The following SGCZ variants were observed in gnomAD, a reference collection of about 807,000 sequenced individuals.
The protein encoded by SGCZ is zeta-sarcoglycan.
A neutral mutation model predicts 41.3 loss-of-function variants in SGCZ; 40 were observed. The ratio of observed to expected loss-of-function variants is 0.97; its 90% CI spans 0.75 to 1.26. The LOEUF (loss-of-function observed/expected upper bound fraction) is 1.26. Ranked by LOEUF, SGCZ falls within the 50% of genes most tolerant of loss-of-function variation. The pLI is 0.00. For synonymous variants in SGCZ, 206 were observed against 137.5 expected, an observed-to-expected ratio of 1.50 and a Z score of -3.49; for missense variants, 552 against 369.8, an observed-to-expected ratio of 1.49 and a Z score of -4.04.
chr8:14,277,866 C>G (rs763523788), intron 3 of SGCZ, among the ~76,000 whole-genome samples: 8 of 151,036 alleles, frequency 5.3e-5, no homozygotes, highest in Non-Finnish European at 1.0e-4. Flanking sequence ...GGAATGTAAG[C>G]AAATAACCAG....
intron 1 of SGCZ, among the ~76,000 whole-genome samples, chr8:15,197,167 T>C (rs1056960373): frequency 6.6e-6 from 1 of 152,226 alleles, no homozygotes; most frequent in Non-Finnish European, 1.5e-5. Flanking sequence ...AGCTACATTG[T>C]TCAATCTGCC....
intron 1 of SGCZ, among the ~76,000 whole-genome samples, chr8:14,760,343 GAAGAACTGC>G: frequency 6.6e-6 from 1 of 152,244 alleles, no homozygotes; most frequent in Admixed American, 6.5e-5. Flanking sequence ...CAATCCGATG[GAAGAACTGC>G]CATTTGATGA....
At chr8:14,961,699 G>A (rs10112336) in intron 1 of SGCZ, among the ~76,000 whole-genome samples, 67,684 of 151,426 alleles carry the variant, frequency 0.45, 16,335 homozygotes, top group East Asian at 0.63. Context: ...TATTCCTGAT[G>A]GATAAGGAGG....
chr8:14,117,919 C>CTTTTTTT (rs1317255911), intron 5 of SGCZ, among the ~76,000 whole-genome samples: 1 of 150,448 alleles, frequency 6.6e-6, no homozygotes, highest in South Asian at 2.2e-4. Flanking sequence ...TGAACTCATC[C>CTTTTTTT]TTTTTATGGT....
chr8:14,818,254 T>TAC (rs1801965866), intron 1 of SGCZ, among the ~76,000 whole-genome samples: 1 of 152,128 alleles, frequency 6.6e-6, no homozygotes. Context: ...TAGGCCTCTG[T>TAC]ACACACACAT....
intron 4 of SGCZ, among the ~76,000 whole-genome samples, chr8:14,169,483 T>C (rs1317997492): frequency 1.3e-5 from 2 of 152,126 alleles, no homozygotes; most frequent in African/African-American, 4.8e-5. Flanking sequence ...CCTTACTTGA[T>C]CTTTTAGGAG....
intron 5 of SGCZ, among the ~76,000 whole-genome samples, chr8:14,156,931 C>A (rs180703799): frequency 6.6e-6 from 1 of 152,072 alleles, no homozygotes; most frequent in African/African-American, 2.4e-5. Flanking sequence ...CTCCAGTTAA[C>A]TTTTTTTATA....
chr8:14,720,580 C>T lies in SGCZ; in HGVS notation c.40-165654G>A, dbSNP rs575308089. Among the ~76,000 whole-genome samples, 7 of 151,854 alleles carry T rather than the reference C, an allele frequency of 4.6e-5. 1 individual carries two copies. In the East Asian group the frequency reaches 7.7e-4, roughly 17 times the overall value. ...CATCTGAGTTATTCTTATCCTTATG[C>T]AGTGAAGGCAAACTCTGGCTCACAA... On this transcript the variant is annotated intron_variant, in intron 1 of 7. Coordinates refer to ENST00000382080, the MANE Select transcript of SGCZ (RefSeq NM_139167.4).
At chr8:14,188,214 C>G (rs923636666) in intron 4 of SGCZ, among the ~76,000 whole-genome samples, 1 of 152,196 alleles carries the variant, frequency 6.6e-6, no homozygotes, top group African/African-American at 2.4e-5. Context: ...AAAGCAAGTA[C>G]ATTCTGAAAG....
intron 3 of SGCZ, among the ~76,000 whole-genome samples, chr8:14,286,975 GT>G (rs975233918): frequency 3.3e-5 from 5 of 151,938 alleles, no homozygotes; most frequent in African/African-American, 9.6e-5. Context: ...AGTGAGTTTA[GT>G]TTTTTTCCCC....
intron 1 of SGCZ, among the ~76,000 whole-genome samples, chr8:14,961,645 C>G (rs1800970360): frequency 6.6e-6 from 1 of 152,070 alleles, no homozygotes; most frequent in Non-Finnish European, 1.5e-5. Context: ...ATAGGGTCCA[C>G]TAGGATCTGC....
At chr8:14,862,777 A>G (rs981289427) in intron 1 of SGCZ, among the ~76,000 whole-genome samples, 3 of 151,840 alleles carry the variant, frequency 2.0e-5, no homozygotes, top group African/African-American at 7.3e-5. Context: ...CGAGAGCAGG[A>G]GGTGTATGAG....
chr8:15,208,686 T>C (rs1801146246), intron 1 of SGCZ, among the ~76,000 whole-genome samples: 1 of 152,084 alleles, frequency 6.6e-6, no homozygotes, highest in Non-Finnish European at 1.5e-5. Context: ...AGTGACTTGC[T>C]CAAGGTCTCA....
In SGCZ at chr8:14,600,021, CT is replaced by C. The variant is rs1585114082; in HGVS notation, c.40-45096del. 2.0e-5 allele frequency among the ~76,000 whole-genome samples: 3 copies of C among 152,228 alleles called. No individual in the cohort carries two copies. In the East Asian group the frequency reaches 5.8e-4, roughly 29 times the overall value. On this transcript the variant is annotated intron_variant, in intron 1 of 7. Coordinates refer to ENST00000382080, the MANE Select transcript of SGCZ (RefSeq NM_139167.4). Reference sequence around the variant, plus strand: ...CTTTCAAACTTCATTCCTATGAGGTCTTTATCCTCAGCAAGGAAGCAAAGCT... The same window carrying C: ...CTTTCAAACTTCATTCCTATGAGGTCTTATCCTCAGCAAGGAAGCAAAGCT...
intron 3 of SGCZ, among the ~76,000 whole-genome samples, chr8:14,315,096 G>C (rs984059666): frequency 1.4e-4 from 21 of 152,250 alleles, no homozygotes; most frequent in African/African-American, 4.3e-4. Context: ...GAGGTGTATA[G>C]AGGAAGAAGT....
chr8:15,097,692 A>G (rs1347415083), intron 1 of SGCZ, among the ~76,000 whole-genome samples: 1 of 150,608 alleles, frequency 6.6e-6, no homozygotes, highest in Non-Finnish European at 1.5e-5. Flanking sequence ...TTACACCAAT[A>G]CATTACTGTC....
At chr8:14,189,672 C>G (rs1010290621) in intron 4 of SGCZ, among the ~76,000 whole-genome samples, 13 of 152,202 alleles carry the variant, frequency 8.5e-5, no homozygotes, top group Non-Finnish European at 1.6e-4. Context: ...CTTGCTATGT[C>G]CTTTACATTG....
rs144871056 is a variant in SGCZ at position 14,609,481 on chromosome 8, C to T, written c.40-54555G>A. On this transcript the variant is annotated intron_variant, in intron 1 of 7. Coordinates refer to ENST00000382080, the MANE Select transcript of SGCZ (RefSeq NM_139167.4). The stretch of plus-strand genomic sequence containing the variant: ...GAAAAAAAGTCTTAATTAAATTAGA[C>T]CTTCTGGCATGATGAAAAGTACTGC... Among the ~76,000 whole-genome samples, 1,353 of 152,128 alleles carry T rather than the reference C, an allele frequency of 8.9e-3. 15 individuals carry two copies. The highest frequency in any genetic ancestry group is 0.041 in the Middle Eastern group (12 of 294).
chr8:14,114,629 G>T (rs1011464274), intron 5 of SGCZ, among the ~76,000 whole-genome samples: 13 of 151,828 alleles, frequency 8.6e-5, no homozygotes, highest in Admixed American at 4.6e-4. Context: ...AAGACAAAAA[G>T]AGATAAGGAA....
Sources: allele counts gnomAD v4.1 joint callset (sites outside exome capture counted in the v4.1 genomes callset), GRCh38; gene constraint gnomAD v4.1.1; transcripts MANE v1.5; gene names NCBI Gene and HGNC (gene_info 2026-07-23, HGNC 2026-07-21).